The following NOL11 variants were observed in gnomAD, a reference collection of about 807,000 sequenced individuals.
NOL11 encodes the protein nucleolar protein 11.
A neutral mutation model predicts 93.0 loss-of-function variants in NOL11; 42 were observed. The ratio of observed to expected loss-of-function variants is 0.45; its 90% CI spans 0.35 to 0.58. The LOEUF (loss-of-function observed/expected upper bound fraction) is 0.58. Ranked by LOEUF, NOL11 falls within the 20% of genes least tolerant of loss-of-function variation. The pLI, the probability that NOL11 is intolerant of heterozygous loss-of-function variation, is 0.00. For missense variants in NOL11, 775 were observed against 841.8 expected (o/e 0.92, Z 0.98); for synonymous variants, 296 against 293.7 (o/e 1.01, Z -0.08).
At chr17:67,722,023 C>T (rs1166393850) in intron 4 of NOL11, among the ~76,000 whole-genome samples, 1 of 152,342 alleles carries the variant, frequency 6.6e-6, no homozygotes, top group Middle Eastern at 3.4e-3. Context: ...TCCAGGTCCA[C>T]CTGGTAGAAA....
chr17:67,718,997 A>G (rs1325695156), intron 1 of NOL11: 1 of 152,232 alleles, frequency 6.6e-6, no homozygotes, highest in East Asian at 1.9e-4. Context: ...ATAACTTCCC[A>G]TGCAGAGGCA....
At chr17:67,733,677 C>CT (rs1411189843) in intron 7 of NOL11, among the ~76,000 whole-genome samples, 2 of 151,982 alleles carry the variant, frequency 1.3e-5, no homozygotes, top group East Asian at 3.9e-4. Flanking sequence ...TCCTAGCTCT[C>CT]TGAGTTTTTT....
intron 7 of NOL11, among the ~76,000 whole-genome samples, chr17:67,728,371 T>G (rs1042800629): frequency 6.6e-6 from 1 of 152,252 alleles, no homozygotes; most frequent in Non-Finnish European, 1.5e-5. Context: ...GAAATAAAGT[T>G]GTTACTATCC....
At chr17:67,724,593 A>G (rs984786358) in intron 6 of NOL11, among the ~76,000 whole-genome samples, 1 of 151,934 alleles carries the variant, frequency 6.6e-6, no homozygotes, top group Non-Finnish European at 1.5e-5. Context: ...TGGCCTCCCA[A>G]AGCGCTGGGA....
intron 1 of NOL11, among the ~76,000 whole-genome samples, chr17:67,718,426 G>A (rs895847293): frequency 2.1e-4 from 32 of 152,220 alleles, no homozygotes; most frequent in African/African-American, 7.5e-4. Flanking sequence ...CCCGCGGGAG[G>A]ATGGAACGGA....
chr17:67,728,152 C>T (rs1164078095), intron 7 of NOL11, among the ~76,000 whole-genome samples: 5 of 151,912 alleles, frequency 3.3e-5, no homozygotes, highest in Admixed American at 6.6e-5. Flanking sequence ...CCCAGCTACT[C>T]GGGAGGCTGA....
In NOL11 at chr17:67,737,604, G is replaced by C; in HGVS notation, c.1315G>C (p.Gly439Arg). The C allele has an allele frequency of 6.2e-7, 1 of 1,614,136 alleles. No individual in the cohort carries two copies. Among genetic ancestry groups the C allele is most frequent in the South Asian group, 1.1e-5 (1 of 91,076 alleles). ...FHTVIGDTVT[G>R]LLERCKAEPS... is the part of the protein sequence containing the mutation. ...TACTGTCATTGGGGACACAGTAACAGGACTTCTGGAAAGGTGTAAAGCAGA... is the reference window on the plus strand; with the variant it reads ...TACTGTCATTGGGGACACAGTAACACGACTTCTGGAAAGGTGTAAAGCAGA... The change falls in exon 12 of 18, where the codon GGA becomes CGA. Residue 439 changes from glycine (G) to arginine (R), a missense_variant. Physicochemically the swap from Gly to Arg is moderately radical, Grantham distance 125 (BLOSUM62 -2). Around this residue, in one of 2 missense-constraint regions of NOL11, gnomAD observed 416 missense variants for 525.2 expected, o/e 0.79. Transcript: ENST00000253247.
rs2043187726 is a variant in NOL11 at position 67,717,968 on chromosome 17, A to G, written c.21A>G (p.Glu7=). The change falls in exon 1 of 18, where the codon GAA becomes GAG. Residue 7 remains glutamate, a synonymous_variant. Transcript: ENST00000253247. ...TCAAAATGGCAGCGCTGGAGGAAGA[A>G]TTCACGTTGTCTTCGGTAGTCCTGA... MAALEE[E]FTLSSVVLSA... 5 of 1,614,130 alleles carry G rather than the reference A, an allele frequency of 3.1e-6. No homozygotes were observed. Among genetic ancestry groups the G allele is most frequent in the African/African-American group, 2.7e-5 (2 of 74,956 alleles).
intron 4 of NOL11, 120 bp from the exon 5 acceptor site, chr17:67,722,460 C>G: frequency 7.0e-7 from 1 of 1,422,850 alleles, no homozygotes; most frequent in Non-Finnish European, 9.2e-7. Flanking sequence ...TAAGTGTTCT[C>G]TGATGTCTTT....
At chr17:67,729,906 T>G (rs754642505) in intron 7 of NOL11, among the ~76,000 whole-genome samples, 25 of 152,082 alleles carry the variant, frequency 1.6e-4, no homozygotes, top group Non-Finnish European at 3.5e-4. Context: ...TGTGTCTGGC[T>G]TCTTTGACTT....
intron 14 of NOL11, chr17:67,738,672 C>G (rs1599047968): frequency 6.8e-6 from 3 of 440,904 alleles, no homozygotes. Context: ...ATCTCTACAT[C>G]AGATTTAAAA....
chr17:67,727,425 G>C lies in NOL11; in HGVS notation c.853+777G>C, dbSNP rs187172685. Among the ~76,000 whole-genome samples the C allele has an allele frequency of 3.3e-3, 508 of 152,264 alleles. 3 individuals are homozygous for C. Among genetic ancestry groups the C allele is most frequent in the African/African-American group, 0.012 (491 of 41,574 alleles). ...GCCTATAATCCCAGCACTTTGGGAG[G>C]CCTAGGCAGGCAGATCACCTGAGGG... On this transcript the variant is annotated intron_variant, in intron 7 of 17. Transcript: ENST00000253247.
chr17:67,737,812 A>C (rs2055216669), intron 12 of NOL11, 35 bp from the exon 13 acceptor site: 2 of 1,589,226 alleles, frequency 1.3e-6, no homozygotes, highest in East Asian at 4.5e-5. Flanking sequence ...GAATTTTCTT[A>C]ATATGTAATA....
At chr17:67,728,875 A>T (rs2055124280) in intron 7 of NOL11, among the ~76,000 whole-genome samples, 1 of 152,206 alleles carries the variant, frequency 6.6e-6, no homozygotes, top group Non-Finnish European at 1.5e-5. Flanking sequence ...CCAGACATGA[A>T]CCATCTATTC....
intron 16 of NOL11, among the ~76,000 whole-genome samples, chr17:67,743,085 G>T (rs935913750): frequency 1.3e-5 from 2 of 152,112 alleles, no homozygotes; most frequent in African/African-American, 4.8e-5. Context: ...TACAAAAATT[G>T]CTAAAAAGTA....
chr17:67,722,824 T>G (rs1250081253), intron 5 of NOL11, among the ~76,000 whole-genome samples, 187 bp downstream of exon 5: 2 of 152,236 alleles, frequency 1.3e-5, no homozygotes, highest in East Asian at 3.9e-4. Context: ...GCCTCGTAGC[T>G]GGGACTACAG....
chr17:67,741,611 A>T (rs2055257578), intron 16 of NOL11, among the ~76,000 whole-genome samples: 3 of 151,820 alleles, frequency 2.0e-5, no homozygotes, highest in South Asian at 2.1e-4. Flanking sequence ...TTGCCCTGTC[A>T]CCCAGGCTGG....
intron 7 of NOL11, among the ~76,000 whole-genome samples, chr17:67,730,229 G>A (rs368702537): frequency 4.5e-4 from 68 of 152,154 alleles, no homozygotes; most frequent in African/African-American, 1.5e-3. Context: ...GCATGTATTT[G>A]TGTACCAGTT....
At position 67,735,876 on chromosome 17, in the gene NOL11, T is replaced by C. The variant is rs538534782; in HGVS notation, c.931-24T>C. On this transcript the variant is annotated intron_variant, in intron 8 of 17. Coordinates refer to ENST00000253247, the MANE Select transcript of NOL11 (RefSeq NM_015462.5). ...CTTAGAAGAGAAAAAAATTTGCTTA[T>C]GTTTTTGATAACTTTTTTTGTAGCT... 62 of 1,597,992 alleles carry C rather than the reference T, an allele frequency of 3.9e-5. No homozygotes were observed. The South Asian group carries it at 5.4e-4, about 14-fold the overall frequency.
Sources: allele counts gnomAD v4.1 joint callset (sites outside exome capture counted in the v4.1 genomes callset), GRCh38; gene constraint gnomAD v4.1.1; regional missense constraint gnomAD v4.1.1; transcripts MANE v1.5; gene names NCBI Gene and HGNC (gene_info 2026-07-23, HGNC 2026-07-21).